TLR4: variants seen among roughly 807,000 people sequenced by gnomAD.
TLR4 encodes the protein toll-like receptor 4.
TLR4 carries 17 observed loss-of-function variants against 27.4 expected under a neutral mutation model. That is an observed-to-expected ratio of 0.62 (90% CI 0.42 to 0.93). TLR4 has a LOEUF of 0.93. Ranked by LOEUF, TLR4 falls within the 40% of genes least tolerant of loss-of-function variation. TLR4 has a pLI of 0.00. For missense variants in TLR4, 926 were observed against 962.3 expected, an observed-to-expected ratio of 0.96 and a Z score of 0.50; for synonymous variants, 363 against 365.7, an observed-to-expected ratio of 0.99 and a Z score of 0.08.
In TLR4 at chr9:117,718,528, C is replaced by G. The variant is rs769513647; in HGVS notation, c.*3880C>G. 6.6e-6 allele frequency: 1 copy of G among 151,906 alleles called. No individual in the cohort carries two copies. Among genetic ancestry groups the G allele is most frequent in the African/African-American group, 2.4e-5 (1 of 41,366 alleles). 9.4% of individuals were successfully genotyped at this position (151,906 alleles called of 1,614,324 possible). ...AGGAGAGAAAGACACCGAGAATGAG[C>G]GTTAATACAGTGCTTTCCATTTTTC... On this transcript the variant is annotated 3_prime_UTR_variant, in exon 3 of 3. Transcript: ENST00000355622.
rs1202450981 is a variant in TLR4 at position 117,721,824 on chromosome 9, A to G, written c.*7176A>G. ...GTTATTGGTTTTGTTCTTGAGATTT[A>G]TTGCTAAGATTCATGATAGCCCAGG... On this transcript the variant is annotated 3_prime_UTR_variant, in exon 3 of 3. Coordinates refer to ENST00000355622, the MANE Select transcript of TLR4 (RefSeq NM_138554.5). The G allele has an allele frequency of 1.3e-5, 2 of 152,176 alleles. No individual in the cohort carries two copies. The highest frequency in any genetic ancestry group is 2.9e-5 in the Non-Finnish European group (2 of 68,022). The allele number at this position is 152,176 out of a possible 1,614,324, so 9.4% of individuals were successfully genotyped here.
At chr9:117,711,785 TCACTTTTTTC>T (rs1327717109) in intron 2 of TLR4, among the ~76,000 whole-genome samples, 1 of 152,212 alleles carries the variant, frequency 6.6e-6, no homozygotes, top group Non-Finnish European at 1.5e-5. Flanking sequence ...CACATAATTT[TCACTTTTTTC>T]CACAAAACTC....
intron 1 of TLR4, among the ~76,000 whole-genome samples, chr9:117,706,403 C>T (rs1249092421): frequency 1.3e-5 from 2 of 152,116 alleles, no homozygotes; most frequent in East Asian, 3.9e-4. Flanking sequence ...CTCTCTCTCC[C>T]TTTGTAATGG....
At chr9:117,705,447 C>T (rs1829120781) in intron 1 of TLR4, among the ~76,000 whole-genome samples, 1 of 152,218 alleles carries the variant, frequency 6.6e-6, no homozygotes, top group Non-Finnish European at 1.5e-5. Context: ...TCCCTTCCCT[C>T]AATTCCCTGC....
intron 2 of TLR4, chr9:117,709,126 A>G (rs1453442595): frequency 9.3e-6 from 2 of 214,828 alleles, no homozygotes; most frequent in Non-Finnish European, 1.9e-5. Context: ...ATCTTCTTGA[A>G]AGAGTTAATA....
chr9:117,708,602 T>TTCTACAAAA lies in TLR4; in HGVS notation c.136_144dup (p.Tyr46_Ile48dup), dbSNP rs1484134388. 6.2e-7 allele frequency: 1 copy of TTCTACAAAA among 1,613,900 alleles called. No homozygotes were observed. Among genetic ancestry groups the TTCTACAAAA allele is most frequent in the South Asian group, 1.1e-5 (1 of 91,086 alleles). ...TACTTATCAATGCATGGAGCTGAAT[T>TTCTACAAAA]TCTACAAAATCCCCGACAACCTCCC... On this transcript the variant is annotated inframe_insertion, in exon 2 of 3. Transcript: ENST00000355622.
chr9:117,710,114 T>G (rs1309316654), intron 2 of TLR4, among the ~76,000 whole-genome samples: 1 of 152,132 alleles, frequency 6.6e-6, no homozygotes, highest in African/African-American at 2.4e-5. Flanking sequence ...GGGATTTACA[T>G]GGTTATATTG....
chr9:117,712,631 C>A lies in TLR4; in HGVS notation c.503C>A (p.Pro168His), dbSNP rs1281579352. 1 of 1,613,952 alleles carries A rather than the reference C, an allele frequency of 6.2e-7. No homozygotes were observed. The highest frequency in any genetic ancestry group is 1.7e-5 in the Admixed American group (1 of 59,986). ...AHNLIQSFKL[P>H]EYFSNLTNLE... is the part of the protein sequence containing the mutation. ...AATCTTATCCAATCTTTCAAATTAC[C>A]TGAGTATTTTTCTAATCTGACCAAT... The change falls in exon 3 of 3, where the codon CCT becomes CAT. Residue 168 changes from proline (P) to histidine (H), a missense_variant. Transcript: ENST00000355622.
Position 117,712,781 on chromosome 9 carries a change from T to C in TLR4, c.653T>C (p.Ile218Thr). 1 of 1,614,028 alleles carries C rather than the reference T, an allele frequency of 6.2e-7. No homozygotes were observed. The highest frequency in any genetic ancestry group is 8.5e-7 in the Non-Finnish European group (1 of 1,180,006). ...LDLSLNPMNF[I>T]QPGAFKEIRL... ...CTGTCCCTGAACCCTATGAACTTTA[T>C]CCAACCAGGTGCATTTAAAGAAATT... Residue 218 changes from isoleucine (I) to threonine (T), a missense_variant, in exon 3 of 3, where the codon ATC becomes ACC. Coordinates refer to ENST00000355622, the MANE Select transcript of TLR4 (RefSeq NM_138554.5).
rs1028452240 is a variant in TLR4, at chr9:117,717,308, G to T, written c.*2660G>T. The T allele has an allele frequency of 1.3e-5, 2 of 152,048 alleles. No homozygotes were observed. The highest frequency in any genetic ancestry group is 2.9e-5 in the Non-Finnish European group (2 of 68,012). 9.4% of individuals were successfully genotyped at this position (152,048 alleles called of 1,614,324 possible). A position where few individuals can be genotyped will look rare whatever the true frequency, so the allele number is the denominator to read the frequency against. ...CCCCAAGTGGATCTCTGAGACCGCA[G>T]ATGGTACCAAACCTCATATATGCAA... is the stretch of plus-strand genomic sequence containing the variant. On this transcript the variant is annotated 3_prime_UTR_variant, in exon 3 of 3. Coordinates refer to ENST00000355622, the MANE Select transcript of TLR4 (RefSeq NM_138554.5).
At position 117,712,731 on chromosome 9, in the gene TLR4, G is replaced by T. The variant is rs1829256044; in HGVS notation, c.603G>T (p.Met201Ile). The change falls in exon 3 of 3, where the codon ATG (methionine) becomes ATT (isoleucine). Residue 201 changes from methionine (M) to isoleucine (I), a missense_variant. Physicochemically the swap from Met to Ile is conservative, Grantham distance 10. Transcript: ENST00000355622. ...YCTDLRVLHQ[M>I]PLLNLSLDLS... ...CAGACTTGCGGGTTCTACATCAAAT[G>T]CCCCTACTCAATCTCTCTTTAGACC... The T allele has an allele frequency of 6.2e-7, 1 of 1,613,906 alleles. No individual in the cohort carries two copies. The highest frequency in any genetic ancestry group is 1.3e-5 in the African/African-American group (1 of 74,920).
In TLR4 at chr9:117,713,634, CCTCT is replaced by C. The variant is rs1829283751; in HGVS notation, c.1510_1513del (p.Gln505ValfsTer20). The C allele has an allele frequency of 6.2e-7, 1 of 1,614,102 alleles. No individual in the cohort carries two copies. Among genetic ancestry groups the C allele is most frequent in the South Asian group, 1.1e-5 (1 of 91,092 alleles). On this transcript the variant is annotated frameshift_variant, in exon 3 of 3. Coordinates refer to ENST00000355622, the MANE Select transcript of TLR4 (RefSeq NM_138554.5). LOFTEE classifies it low-confidence loss of function (END_TRUNC). ...AGCTGAGAAACTTGACCTTCCTGGA[CCTCT>C]CTCAGTGTCAACTGGAGCAGTTGTC...
At chr9:117,705,573 T>A (rs1278019076) in intron 1 of TLR4, among the ~76,000 whole-genome samples, 1 of 152,118 alleles carries the variant, frequency 6.6e-6, no homozygotes, top group Non-Finnish European at 1.5e-5. Flanking sequence ...TGACTTCTTT[T>A]CCCCATGTAC....
chr9:117,713,225 C>A lies in TLR4; in HGVS notation c.1097C>A (p.Ala366Asp). The change falls in exon 3 of 3, where the codon GCT becomes GAT. Residue 366 changes from alanine (A) to aspartate (D), a missense_variant. Coordinates refer to ENST00000355622, the MANE Select transcript of TLR4 (RefSeq NM_138554.5). The stretch of plus-strand genomic sequence containing the variant: ...TTCACTTCCAACAAAGGTGGGAATG[C>A]TTTTTCAGAAGTTGATCTACCAAGC... ...LTFTSNKGGN[A>D]FSEVDLPSLE... The A allele has an allele frequency of 6.2e-7, 1 of 1,613,972 alleles. No individual in the cohort carries two copies. Among genetic ancestry groups the A allele is most frequent in the Non-Finnish European group, 8.5e-7 (1 of 1,179,956 alleles).
chr9:117,716,298 G>T lies in TLR4; in HGVS notation c.*1650G>T, dbSNP rs1325096094. 6.6e-6 allele frequency: 1 copy of T among 151,984 alleles called. No individual in the cohort carries two copies. Among genetic ancestry groups the T allele is most frequent in the Non-Finnish European group, 1.5e-5 (1 of 68,016 alleles). The allele number at this position is 151,984 out of a possible 1,614,324, so 9.4% of individuals were successfully genotyped here. Reference sequence around the variant, plus strand: ...ACTCTTCACAATCACTGTTTCCAAAGTTATGGAAACAACCCAAATTTCCAT... The same window carrying T: ...ACTCTTCACAATCACTGTTTCCAAATTTATGGAAACAACCCAAATTTCCAT... On this transcript the variant is annotated 3_prime_UTR_variant, in exon 3 of 3. Coordinates refer to ENST00000355622, the MANE Select transcript of TLR4 (RefSeq NM_138554.5).
rs766539584 is a variant in TLR4 at position 117,712,582 on chromosome 9, T to G, written c.454T>G (p.Leu152Val). Residue 152 changes from leucine to valine, a missense_variant, in exon 3 of 3, where the codon TTG becomes GTG. By Grantham distance (32) the Leu-to-Val change is conservative. Transcript: ENST00000355622. Reference protein sequence around the residue: ...ENFPIGHLKTLKELNVAHNLI... With the variant: ...ENFPIGHLKTVKELNVAHNLI... ...CTTCCCCATTGGACATCTCAAAACTTTGAAAGAACTTAATGTGGCTCACAA... is the reference window on the plus strand; with the variant it reads ...CTTCCCCATTGGACATCTCAAAACTGTGAAAGAACTTAATGTGGCTCACAA... 6.2e-7 allele frequency: 1 copy of G among 1,614,030 alleles called. No individual in the cohort carries two copies. Among genetic ancestry groups the G allele is most frequent in the Non-Finnish European group, 8.5e-7 (1 of 1,179,978 alleles).
In TLR4 at chr9:117,724,604, C is replaced by T. The variant is rs1054354331; in HGVS notation, c.*9956C>T. ...CAAAAGCTTTGGGAATCAGACAGAT[C>T]TGTGTTCTGATCCTGTCTTATGGTA... On this transcript the variant is annotated 3_prime_UTR_variant, in exon 3 of 3. Transcript: ENST00000355622. 1 of 152,138 alleles carries T rather than the reference C, an allele frequency of 6.6e-6. No homozygotes were observed. Among genetic ancestry groups the T allele is most frequent in the Non-Finnish European group, 1.5e-5 (1 of 68,048 alleles). 9.4% of individuals were successfully genotyped at this position (152,138 alleles called of 1,614,324 possible).
At chr9:117,708,467 A>T in intron 1 of TLR4, 96 bp from the exon 2 acceptor site, 1 of 1,602,252 alleles carries the variant, frequency 6.2e-7, no homozygotes, top group Non-Finnish European at 8.5e-7. Flanking sequence ...TTGTGCTTGC[A>T]CAAAAAGAGG....
intron 1 of TLR4, 168 bp from the exon 2 acceptor site, chr9:117,708,395 T>A: frequency 6.8e-7 from 1 of 1,477,358 alleles, no homozygotes; most frequent in South Asian, 1.3e-5. Context: ...ATGAATTGAG[T>A]GAATGGATGG....
Sources: gnomAD v4.1 joint callset for allele counts (sites outside exome capture counted in the v4.1 genomes callset) on GRCh38, gnomAD v4.1.1 for gene constraint, MANE v1.5 for transcripts, NCBI Gene and HGNC (gene_info 2026-07-23, HGNC 2026-07-21) for gene names.